Variants in DLGAP2 observed in about 807,000 individuals in gnomAD.
The protein encoded by DLGAP2 is disks large-associated protein 2.
Under a neutral mutation model 100.3 loss-of-function variants are expected in DLGAP2, and 26 were observed. The observed-to-expected ratio is 0.26, with a 90% CI of 0.19 to 0.36. The LOEUF is 0.36. Ranked by LOEUF, DLGAP2 falls within the 10% of genes least tolerant of loss-of-function variation. The pLI, the probability that DLGAP2 is intolerant of heterozygous loss-of-function variation, is 1.00. For missense variants in DLGAP2, 1,858 were observed against 1,453.2 expected (o/e 1.28, Z -4.53); for synonymous variants, 886 against 630.1 (o/e 1.41, Z -6.08).
chr8:1,197,816 T>G (rs1400631436), intron 2 of DLGAP2, among the ~76,000 whole-genome samples: 2 of 152,180 alleles, frequency 1.3e-5, no homozygotes, highest in African/African-American at 4.8e-5. Flanking sequence ...CTCCTGGGCC[T>G]CCTGCAGCGT....
chr8:1,250,995 T>G (rs1799026838), intron 2 of DLGAP2, among the ~76,000 whole-genome samples: 1 of 152,198 alleles, frequency 6.6e-6, no homozygotes, highest in South Asian at 2.1e-4. Context: ...GGGTGAATAT[T>G]TAGGGGTTGG....
intron 1 of DLGAP2, among the ~76,000 whole-genome samples, chr8:797,574 G>A (rs934302082): frequency 6.6e-6 from 1 of 152,108 alleles, no homozygotes; most frequent in African/African-American, 2.4e-5. Flanking sequence ...GCTAGGAGAG[G>A]AACTGCTGGC....
intron 3 of DLGAP2, among the ~76,000 whole-genome samples, chr8:1,341,762 A>G (rs1469788318): frequency 1.3e-5 from 2 of 152,114 alleles, no homozygotes; most frequent in Non-Finnish European, 2.9e-5. Flanking sequence ...AGCAGGTGTC[A>G]TTTCCCAGCT....
intron 1 of DLGAP2, among the ~76,000 whole-genome samples, chr8:781,840 T>C (rs911365661): frequency 2.0e-5 from 3 of 152,194 alleles, no homozygotes; most frequent in Admixed American, 6.5e-5. Flanking sequence ...AACCTAATGT[T>C]TGTGCTATAA....
chr8:1,549,358 A>G lies in DLGAP2; in HGVS notation c.905A>G (p.Asn302Ser). 6.2e-7 allele frequency: 1 copy of G among 1,613,398 alleles called. No individual in the cohort carries two copies. Among genetic ancestry groups the G allele is most frequent in the Non-Finnish European group, 8.5e-7 (1 of 1,179,754 alleles). ...GMSSWWSSDD[N>S]LDSDSTYRTP... is the part of the protein sequence containing the mutation. ...AGCAGCTGGTGGAGCTCGGACGACA[A>G]CCTGGACAGCGACAGCACCTATCGG... The change falls in exon 5 of 15, where the codon AAC becomes AGC. Residue 302 changes from asparagine (N) to serine (S), a missense_variant. By Grantham distance (46) the Asn-to-Ser change is conservative (BLOSUM62 1). Transcript: ENST00000637795.
At chr8:1,440,307 T>A (rs955961250) in intron 3 of DLGAP2, among the ~76,000 whole-genome samples, 1 of 152,216 alleles carries the variant, frequency 6.6e-6, no homozygotes, top group African/African-American at 2.4e-5. Flanking sequence ...TTATTGAATT[T>A]AACATTAAAA....
rs183106269 is a variant in DLGAP2, at chr8:961,544, A to G, written c.73+53578A>G. On this transcript the variant is annotated intron_variant, in intron 2 of 14. Transcript: ENST00000637795. Reference sequence around the variant, plus strand: ...GGAGGGCTTTCTGAATATCATTTCTATATAGGGGGAGCTGTCCTGGCTGTG... The same window carrying G: ...GGAGGGCTTTCTGAATATCATTTCTGTATAGGGGGAGCTGTCCTGGCTGTG... 1.6e-3 allele frequency among the ~76,000 whole-genome samples: 248 copies of G among 152,314 alleles called. 3 individuals are homozygous for G. Among genetic ancestry groups the G allele is most frequent in the Admixed American group, 0.012 (179 of 15,286 alleles).
chr8:1,527,416 C>T (rs1334265124), intron 4 of DLGAP2, among the ~76,000 whole-genome samples: 1 of 152,158 alleles, frequency 6.6e-6, no homozygotes, highest in African/African-American at 2.4e-5. Flanking sequence ...GGACAGATGG[C>T]GCCAGGAAGA....
chr8:1,530,096 G>A (rs1047436547), intron 4 of DLGAP2, among the ~76,000 whole-genome samples: 1 of 152,084 alleles, frequency 6.6e-6, no homozygotes. Context: ...CAGGAGACAG[G>A]GTTTTGAGAT....
At chr8:1,201,238 T>G (rs1431059056) in intron 2 of DLGAP2, among the ~76,000 whole-genome samples, 5 of 152,150 alleles carry the variant, frequency 3.3e-5, no homozygotes, top group Non-Finnish European at 7.4e-5. Context: ...CATGCACGCG[T>G]GTGATTGTGG....
chr8:1,679,979 CAAAAAAAAAAAAA>C (rs760100523), intron 12 of DLGAP2, among the ~76,000 whole-genome samples: 2 of 63,528 alleles, frequency 3.1e-5, no homozygotes, highest in African/African-American at 5.9e-5. Flanking sequence ...GACTCTGTCT[CAAAAAAAAAAAAA>C]AAAAAAAAAA....
intron 2 of DLGAP2, among the ~76,000 whole-genome samples, chr8:1,158,087 T>C (rs2878769): frequency 0.89 from 134,811 of 152,312 alleles, 59,721 homozygotes; most frequent in African/African-American, 0.9. Context: ...TTGCAGGTTC[T>C]GCCTGAGCAT....
chr8:1,377,519 G>A lies in DLGAP2; in HGVS notation c.106+118636G>A, dbSNP rs147140107. Among the ~76,000 whole-genome samples the A allele has an allele frequency of 6.3e-3, 957 of 152,236 alleles. 10 individuals are homozygous for A. Among genetic ancestry groups the A allele is most frequent in the African/African-American group, 0.021 (859 of 41,532 alleles). On this transcript the variant is annotated intron_variant, in intron 3 of 14. Transcript: ENST00000637795. ...AGATCGCACCACTGCACTCCAGCCC[G>A]GGCGATAGAGCGAGACTCCGACTCA...
chr8:1,522,206 C>T (rs1800628450), intron 4 of DLGAP2, among the ~76,000 whole-genome samples: 1 of 152,332 alleles, frequency 6.6e-6, no homozygotes, highest in African/African-American at 2.4e-5. Flanking sequence ...CCACTCAGAC[C>T]TTTCGCCCAT....
chr8:1,242,442 C>G lies in DLGAP2; in HGVS notation c.74-16409C>G, dbSNP rs1798817466. Among the ~76,000 whole-genome samples the G allele has an allele frequency of 5.3e-5, 8 of 152,354 alleles. No homozygotes were observed. In the South Asian group the frequency reaches 1.7e-3, roughly 32 times the overall value. ...AAGGGCTTGGCCCGTCTGTTCTTTC[C>G]TGGCCACGGACCTTGTTCACTTGTT... On this transcript the variant is annotated intron_variant, in intron 2 of 14. Coordinates refer to ENST00000637795, the MANE Select transcript of DLGAP2 (RefSeq NM_001346810.2).
At chr8:1,470,724 C>G (rs1798756147) in intron 3 of DLGAP2, among the ~76,000 whole-genome samples, 1 of 127,330 alleles carries the variant, frequency 7.9e-6, no homozygotes, top group Non-Finnish European at 1.6e-5. Flanking sequence ...GCATCACCGA[C>G]CACGGCCTCC....
intron 6 of DLGAP2, among the ~76,000 whole-genome samples, chr8:1,623,600 G>A (rs1168487748): frequency 6.7e-6 from 1 of 149,984 alleles, no homozygotes; most frequent in African/African-American, 2.5e-5. Context: ...TGATGACCTG[G>A]CACCAGTGTG....
intron 2 of DLGAP2, among the ~76,000 whole-genome samples, chr8:1,231,041 C>G (rs935945103): frequency 1.3e-5 from 2 of 152,124 alleles, no homozygotes; most frequent in Non-Finnish European, 2.9e-5. Flanking sequence ...TTCTGCATAG[C>G]AAGAGAAACT....
At chr8:1,199,490 GTCCAGTGAAGGCTGCC>G (rs1797823315) in intron 2 of DLGAP2, among the ~76,000 whole-genome samples, 1 of 152,208 alleles carries the variant, frequency 6.6e-6, no homozygotes, top group Non-Finnish European at 1.5e-5. Flanking sequence ...GGCACAGGCA[GTCCAGTGAAGGCTGCC>G]TGTGTGTCTG....
Sources: gnomAD v4.1 joint callset for allele counts (sites outside exome capture counted in the v4.1 genomes callset) on GRCh38, gnomAD v4.1.1 for gene constraint, MANE v1.5 for transcripts, NCBI Gene and HGNC (gene_info 2026-07-23, HGNC 2026-07-21) for gene names.